Variants in CCDC180 observed in about 807,000 individuals in gnomAD.
CCDC180 encodes the protein coiled-coil domain containing 180, also known as coiled-coil domain-containing protein 180.
CCDC180 carries 154 observed loss-of-function variants against 209.2 expected under a neutral mutation model. The ratio of observed to expected loss-of-function variants is 0.74; its 90% CI spans 0.65 to 0.84. The LOEUF (loss-of-function observed/expected upper bound fraction) is 0.84, where lower values mean the gene tolerates loss of function less well. Ranked by LOEUF, CCDC180 falls within the 40% of genes least tolerant of loss-of-function variation. CCDC180 has a pLI of 0.00. For synonymous variants in CCDC180, 778 were observed against 749.1 expected, an observed-to-expected ratio of 1.04 and a Z score of -0.63; for missense variants, 1,874 against 1,997.3, an observed-to-expected ratio of 0.94 and a Z score of 1.18.
Position 97,362,280 on chromosome 9 carries a change from G to T in CCDC180, c.3741G>T (p.Arg1247=). ...TGRGAWACGS[R]GSSEAGAGGA... ...GAGGCGCATGGGCCTGTGGGTCTCG[G>T]GGCAGCAGTGAGGCAGGGGCTGGTG... Residue 1247 remains arginine (R), a synonymous_variant, in exon 28 of 37, where the codon CGG becomes CGT. Coordinates refer to ENST00000529487, the MANE Select transcript of CCDC180 (RefSeq NM_020893.6). 2 of 1,614,158 alleles carry T rather than the reference G, an allele frequency of 1.2e-6. No individual in the cohort carries two copies. The highest frequency in any genetic ancestry group is 1.7e-6 in the Non-Finnish European group (2 of 1,180,028).
intron 25 of CCDC180, among the ~76,000 whole-genome samples, chr9:97,358,848 C>G (rs1317913015): frequency 6.6e-6 from 1 of 152,176 alleles, no homozygotes; most frequent in African/African-American, 2.4e-5. Context: ...TTTTCTCTAC[C>G]ATTTCAGTGA....
Position 97,376,807 on chromosome 9 carries a change from T to A in CCDC180, c.4887T>A (p.Asp1629Glu). ...SFEEELKRIQ[D>E]DCTSQIKEAQ... Reference sequence around the variant, plus strand: ...AGGAGGAGCTAAAGAGGATCCAGGATGACTGTACATCTCAGATAAAGGAGG... The same window carrying A: ...AGGAGGAGCTAAAGAGGATCCAGGAAGACTGTACATCTCAGATAAAGGAGG... Residue 1629 changes from aspartate (D) to glutamate (E), a missense_variant, in exon 37 of 37, where the codon GAT becomes GAA. Asp to Glu is a conservative substitution (Grantham distance 45, BLOSUM62 2). Transcript: ENST00000529487. The A allele has an allele frequency of 1.2e-6, 2 of 1,613,610 alleles. No homozygotes were observed. The highest frequency in any genetic ancestry group is 1.7e-6 in the Non-Finnish European group (2 of 1,179,968).
intron 16 of CCDC180, 55 bp from the exon 17 acceptor site, chr9:97,330,099 C>A: frequency 1.7e-6 from 2 of 1,206,282 alleles, no homozygotes; most frequent in Non-Finnish European, 1.2e-6. Flanking sequence ...AGGTGGGGGG[C>A]ACTCTGAAGA....
At chr9:97,348,541 A>G (rs1450235432) in intron 20 of CCDC180, among the ~76,000 whole-genome samples, 2 of 152,150 alleles carry the variant, frequency 1.3e-5, no homozygotes, top group African/African-American at 4.8e-5. Context: ...AGCTGAGACC[A>G]CAGCACTTCC....
chr9:97,337,620 T>A (rs1256735628), intron 18 of CCDC180, among the ~76,000 whole-genome samples: 1 of 152,220 alleles, frequency 6.6e-6, no homozygotes, highest in Admixed American at 6.5e-5. Flanking sequence ...TGGTCTAAAA[T>A]TCTCTTTTTT....
At position 97,375,614 on chromosome 9, in the gene CCDC180, TCC is replaced by T. The variant is rs761298305; in HGVS notation, c.4842+27_4842+28del. The T allele has an allele frequency of 2.5e-6, 4 of 1,613,810 alleles. No homozygotes were observed. In the East Asian group the frequency reaches 8.9e-5, roughly 36 times the overall value. On this transcript the variant is annotated intron_variant, in intron 36 of 36. Coordinates refer to ENST00000529487, the MANE Select transcript of CCDC180 (RefSeq NM_020893.6). Reference sequence around the variant, plus strand: ...GGTGAGACAGGGTGGAGTGGGCGTGTCCCAGGGAGCACAGCTCAGGTCGGCTG... The same window carrying T: ...GGTGAGACAGGGTGGAGTGGGCGTGTCAGGGAGCACAGCTCAGGTCGGCTG...
At chr9:97,355,863 G>A (rs1350883385) in intron 24 of CCDC180, among the ~76,000 whole-genome samples, 1 of 152,204 alleles carries the variant, frequency 6.6e-6, no homozygotes, top group Admixed American at 6.5e-5. Context: ...ATTCTGGAGA[G>A]ATGATGGAGA....
At chr9:97,348,990 C>T (rs2118811402) in intron 20 of CCDC180, 121 bp from the exon 21 acceptor site, 1 of 947,268 alleles carries the variant, frequency 1.1e-6, no homozygotes, top group Non-Finnish European at 1.5e-6. Flanking sequence ...GGGCCTTGAC[C>T]TGAATTGTTC....
chr9:97,308,432 T>G (rs725229), intron 2 of CCDC180, among the ~76,000 whole-genome samples: 28,546 of 152,270 alleles, frequency 0.19, 3,314 homozygotes, highest in Middle Eastern at 0.29. Flanking sequence ...GACTAATTTT[T>G]GTATTTAAAA....
rs956290540 is a variant in CCDC180 at position 97,370,039 on chromosome 9, G to T, written c.4307G>T (p.Arg1436Leu). The T allele has an allele frequency of 6.2e-7, 1 of 1,614,158 alleles. No individual in the cohort carries two copies. Among genetic ancestry groups the T allele is most frequent in the Non-Finnish European group, 8.5e-7 (1 of 1,180,028 alleles). The change falls in exon 32 of 37, where the codon CGA (arginine) becomes CTA (leucine). Residue 1436 changes from arginine (R) to leucine (L), a missense_variant. Physicochemically the swap from Arg to Leu is moderately radical, Grantham distance 102. Coordinates refer to ENST00000529487, the MANE Select transcript of CCDC180 (RefSeq NM_020893.6). Reference protein sequence around the residue: ...KKFFTSVKEIRGQFEEQQKRL... With the variant: ...KKFFTSVKEILGQFEEQQKRL... ...TTTTTCACCTCTGTGAAGGAGATCC[G>T]AGGACAGTTCGAGGAACAGCAGAAG...
intron 18 of CCDC180, among the ~76,000 whole-genome samples, chr9:97,341,408 T>C (rs1472038878): frequency 1.3e-5 from 2 of 152,194 alleles, no homozygotes; most frequent in African/African-American, 2.4e-5. Context: ...TTCTGTTTGT[T>C]AGTTTTCCTT....
intron 25 of CCDC180, 24 bp downstream of exon 25, chr9:97,357,749 T>A (rs770425341): frequency 6.7e-7 from 1 of 1,493,670 alleles, no homozygotes; most frequent in Non-Finnish European, 9.3e-7. Context: ...AGATTCTGCA[T>A]GTGAATAATA....
chr9:97,358,835 G>T (rs981423467), intron 25 of CCDC180, among the ~76,000 whole-genome samples: 4 of 152,122 alleles, frequency 2.6e-5, no homozygotes, highest in Non-Finnish European at 4.4e-5. Context: ...ACCGTTCTCT[G>T]TCTTTTCTCT....
At chr9:97,332,496 C>A (rs888897112) in intron 18 of CCDC180, among the ~76,000 whole-genome samples, 2 of 152,140 alleles carry the variant, frequency 1.3e-5, no homozygotes, top group Non-Finnish European at 2.9e-5. Context: ...TCTTCCTATC[C>A]ATGAACATGG....
At position 97,307,967 on chromosome 9, in the gene CCDC180, G is replaced by T; in HGVS notation, c.-81-16G>T. 1 of 1,584,340 alleles carries T rather than the reference G, an allele frequency of 6.3e-7. No individual in the cohort carries two copies. The highest frequency in any genetic ancestry group is 8.6e-7 in the Non-Finnish European group (1 of 1,163,748). On this transcript the variant is annotated splice_polypyrimidine_tract_variant and intron_variant, in intron 1 of 36. Coordinates refer to ENST00000529487, the MANE Select transcript of CCDC180 (RefSeq NM_020893.6). The stretch of plus-strand genomic sequence containing the variant: ...ACCTGAACCTGAGTTTGGGACGGGC[G>T]ATTTCCCAACCTCAGGAATTGGAAT...
intron 2 of CCDC180, 25 bp from the exon 3 acceptor site, chr9:97,309,389 C>A (rs758452152): frequency 1.1e-5 from 17 of 1,594,610 alleles, no homozygotes; most frequent in Non-Finnish European, 1.5e-5. Flanking sequence ...ACCACTCCCC[C>A]ATCCTTGGTC....
chr9:97,314,279 A>C, intron 5 of CCDC180, 114 bp from the exon 6 acceptor site: 4 of 1,268,390 alleles, frequency 3.2e-6, no homozygotes, highest in Non-Finnish European at 4.5e-6. Context: ...GGTCTAGGCA[A>C]TGATCATCAT....
intron 20 of CCDC180, 113 bp downstream of exon 20, chr9:97,347,602 C>A: frequency 9.8e-7 from 1 of 1,020,486 alleles, no homozygotes; most frequent in South Asian, 1.6e-5. Context: ...CAATGTTTAG[C>A]ATGTTCTCAT....
At chr9:97,362,736 G>C (rs962824754) in intron 28 of CCDC180, among the ~76,000 whole-genome samples, 8 of 152,120 alleles carry the variant, frequency 5.3e-5, no homozygotes. Flanking sequence ...GGGCCTTGGC[G>C]CCCTGCCCAC....
Sources: allele counts gnomAD v4.1 joint callset (sites outside exome capture counted in the v4.1 genomes callset), GRCh38; gene constraint gnomAD v4.1.1; transcripts MANE v1.5; gene names NCBI Gene and HGNC (gene_info 2026-07-23, HGNC 2026-07-21).